The following COPS3 variants were observed in gnomAD, a reference collection of about 807,000 sequenced individuals.
COPS3 encodes COP9 signalosome complex subunit 3.
A neutral mutation model predicts 58.2 loss-of-function variants in COPS3; 10 were observed. The ratio of observed to expected loss-of-function variants is 0.17; its 90% CI spans 0.11 to 0.29. The LOEUF is 0.29. Among genes scored for constraint, COPS3 ranks in the 10% least tolerant of loss-of-function variants. COPS3 has a pLI of 1.00. For missense variants in COPS3, 333 were observed against 510.1 expected, an observed-to-expected ratio of 0.65 and a Z score of 3.34; for synonymous variants, 187 against 181.7, an observed-to-expected ratio of 1.03 and a Z score of -0.24.
chr17:17,250,893 G>A (rs950739965), intron 9 of COPS3, among the ~76,000 whole-genome samples: 3 of 152,342 alleles, frequency 2.0e-5, no homozygotes, highest in Middle Eastern at 6.8e-3. Flanking sequence ...TCTTTAAGCA[G>A]ATGGAATGTA....
chr17:17,275,972 G>A, intron 2 of COPS3, 63 bp downstream of exon 2: 1 of 1,407,130 alleles, frequency 7.1e-7, no homozygotes, highest in Non-Finnish European at 9.6e-7. Context: ...TAAAAATAAA[G>A]CCAGGAAGTG....
chr17:17,271,038 CCT>C (rs1313030158), intron 2 of COPS3, 30 bp from the exon 3 acceptor site: 1 of 1,447,100 alleles, frequency 6.9e-7, no homozygotes, highest in African/African-American at 1.4e-5. Context: ...ATCAAATTAC[CCT>C]GATAGTTCAT....
chr17:17,275,169 C>T (rs1039956341), intron 2 of COPS3, among the ~76,000 whole-genome samples: 1 of 151,402 alleles, frequency 6.6e-6, no homozygotes, highest in Non-Finnish European at 1.5e-5. Context: ...TGGCTCACTG[C>T]AACCTCTGCC....
At chr17:17,274,976 T>G (rs1385706033) in intron 2 of COPS3, among the ~76,000 whole-genome samples, 1 of 152,094 alleles carries the variant, frequency 6.6e-6, no homozygotes, top group African/African-American at 2.4e-5. Context: ...TATTCTCAGA[T>G]AGACCACACA....
At chr17:17,277,155 G>C (rs779032039) in intron 1 of COPS3, among the ~76,000 whole-genome samples, 7 of 152,102 alleles carry the variant, frequency 4.6e-5, no homozygotes, top group Non-Finnish European at 1.0e-4. Flanking sequence ...CTACCTGACT[G>C]AGCCTCATCC....
Position 17,254,810 on chromosome 17 carries a change from A to G in COPS3, c.1023+49T>C, listed in dbSNP as rs376730762. On this transcript the variant is annotated intron_variant, in intron 9 of 11. Transcript: ENST00000268717. Reference sequence around the variant, plus strand: ...GGTGACAGAGCGAGACTCCATCTCAAAAAGAAAAAAAAAAAAAAAAAAGAA... The same window carrying G: ...GGTGACAGAGCGAGACTCCATCTCAGAAAGAAAAAAAAAAAAAAAAAAGAA... The G allele has an allele frequency of 6.2e-5, 79 of 1,279,740 alleles. 1 individual carries two copies. The African/African-American group carries it at 8.2e-4, about 13-fold the overall frequency. The allele number at this position is 1,279,740 out of a possible 1,614,324, so 79.3% of individuals were successfully genotyped here.
chr17:17,257,365 GA>G (rs376052817), intron 8 of COPS3, among the ~76,000 whole-genome samples: 16,342 of 121,928 alleles, frequency 0.13, 1,113 homozygotes, highest in South Asian at 0.25. Context: ...CTCAGTCACA[GA>G]AAAAAAAAAA....
chr17:17,279,056 TAG>T (rs2048520538), intron 1 of COPS3, among the ~76,000 whole-genome samples: 1 of 151,876 alleles, frequency 6.6e-6, no homozygotes, highest in Non-Finnish European at 1.5e-5. Context: ...GCATTTTTAG[TAG>T]AGACAGGGTT....
intron 8 of COPS3, among the ~76,000 whole-genome samples, chr17:17,255,497 T>A (rs1449344699): frequency 1.1e-4 from 6 of 55,454 alleles, no homozygotes; most frequent in African/African-American, 1.5e-4. Flanking sequence ...AAAAAAAAAG[T>A]GTACAGAGCT....
intron 5 of COPS3, among the ~76,000 whole-genome samples, chr17:17,265,932 A>G (rs1027586815): frequency 6.6e-6 from 1 of 152,230 alleles, no homozygotes; most frequent in African/African-American, 2.4e-5. Context: ...AGGTAAATAC[A>G]GGGAATTGTG....
At position 17,262,495 on chromosome 17, in the gene COPS3, C is replaced by T. The variant is rs541554300; in HGVS notation, c.622-389G>A. On this transcript the variant is annotated intron_variant, in intron 6 of 11. Coordinates refer to ENST00000268717, the MANE Select transcript of COPS3 (RefSeq NM_003653.4). ...CTGTAATCCCAGCACTTTGAGAGGCCGAGGTGGGTGGATCACGAGGTCAGG... is the reference window on the plus strand; with the variant it reads ...CTGTAATCCCAGCACTTTGAGAGGCTGAGGTGGGTGGATCACGAGGTCAGG... Among the ~76,000 whole-genome samples, 8 of 152,080 alleles carry T rather than the reference C, an allele frequency of 5.3e-5. No homozygotes were observed. In the East Asian group the frequency reaches 9.7e-4, roughly 18 times the overall value.
chr17:17,267,305 G>A (rs2048246069), intron 5 of COPS3, among the ~76,000 whole-genome samples: 1 of 138,818 alleles, frequency 7.2e-6, no homozygotes, highest in South Asian at 2.4e-4. Context: ...GCCAGCCTGG[G>A]CGACAGAGCA....
intron 1 of COPS3, chr17:17,280,790 G>C: frequency 7.9e-7 from 1 of 1,265,734 alleles, no homozygotes; most frequent in Non-Finnish European, 1.0e-6. Flanking sequence ...AGGCAAGAGA[G>C]ACAGAAGGAA....
intron 2 of COPS3, among the ~76,000 whole-genome samples, chr17:17,274,469 G>C (rs1025721179): frequency 6.8e-6 from 1 of 146,020 alleles, no homozygotes; most frequent in African/African-American, 2.5e-5. Flanking sequence ...CTGTCACCCA[G>C]ACTGGAGTGC....
chr17:17,271,930 T>TTATA lies in COPS3; in HGVS notation c.186-926_186-923dup, dbSNP rs143071223. 2.3e-3 allele frequency among the ~76,000 whole-genome samples: 342 copies of TTATA among 146,286 alleles called. 6 individuals are homozygous for TTATA. Among genetic ancestry groups the TTATA allele is most frequent in the Admixed American group, 0.021 (305 of 14,442 alleles). On this transcript the variant is annotated intron_variant, in intron 2 of 11. Coordinates refer to ENST00000268717, the MANE Select transcript of COPS3 (RefSeq NM_003653.4). ...CATGTATATATTAAACATATATGTT[T>TTATA]TATATATATATATATGTTTAATAAG...
chr17:17,257,655 G>A (rs922120762), intron 8 of COPS3, among the ~76,000 whole-genome samples: 3 of 151,706 alleles, frequency 2.0e-5, no homozygotes, highest in Non-Finnish European at 4.4e-5. Context: ...CAATTAGCCA[G>A]GTGTGGTGGC....
At chr17:17,269,799 A>G (rs979132033) in intron 4 of COPS3, among the ~76,000 whole-genome samples, 3 of 152,182 alleles carry the variant, frequency 2.0e-5, no homozygotes, top group African/African-American at 7.2e-5. Flanking sequence ...ATAGCAAAAG[A>G]CAGTCCTTTT....
chr17:17,280,522 T>G, intron 1 of COPS3: 3 of 1,226,672 alleles, frequency 2.4e-6, no homozygotes, highest in Non-Finnish European at 3.2e-6. Flanking sequence ...ATCGCGCCAC[T>G]GCACTCCAGC....
At position 17,264,981 on chromosome 17, in the gene COPS3, G is replaced by C. The variant is rs759260939; in HGVS notation, c.442C>G (p.Leu148Val). The C allele has an allele frequency of 1.3e-5, 21 of 1,609,440 alleles. No individual in the cohort carries two copies. The highest frequency in any genetic ancestry group is 1.2e-5 in the Non-Finnish European group (14 of 1,179,120). ...LTSIHADLCQ[L>V]CLLAKCFKPA... ...TTAAAGCATTTTGCTAGCAAACAAA[G>C]CTGTGAACAAATTGATATTAAATCA... Residue 148 changes from leucine to valine, a missense_variant and splice_region_variant, in exon 6 of 12, where the codon CTT becomes GTT. Physicochemically the swap from Leu to Val is conservative, Grantham distance 32. Transcript: ENST00000268717.
Sources: allele counts gnomAD v4.1 joint callset (sites outside exome capture counted in the v4.1 genomes callset), GRCh38; gene constraint gnomAD v4.1.1; transcripts MANE v1.5; gene names NCBI Gene and HGNC (gene_info 2026-07-23, HGNC 2026-07-21).